EPHA6: variants seen among roughly 807,000 people sequenced by gnomAD.
EPHA6 encodes ephrin type-A receptor 6.
Under a neutral mutation model 112.0 loss-of-function variants are expected in EPHA6, and 50 were observed. That is an observed-to-expected ratio of 0.45 (90% CI 0.36 to 0.56). The LOEUF (loss-of-function observed/expected upper bound fraction) is 0.56. Ranked by LOEUF, EPHA6 falls within the 20% of genes least tolerant of loss-of-function variation. The pLI, the probability that EPHA6 is intolerant of heterozygous loss-of-function variation, is 0.00. For missense variants in EPHA6, 1,280 were observed against 1,417.4 expected (o/e 0.90, Z 1.56); for synonymous variants, 529 against 490.7 (o/e 1.08, Z -1.03).
At chr3:96,834,758 TG>T (rs2034298083) in intron 1 of EPHA6, among the ~76,000 whole-genome samples, 1 of 152,038 alleles carries the variant, frequency 6.6e-6, no homozygotes, top group African/African-American at 2.4e-5. Flanking sequence ...CAAATAGGTC[TG>T]GAACTGAATA....
At chr3:97,648,866 C>G (rs1310755724) in intron 14 of EPHA6, among the ~76,000 whole-genome samples, 2 of 152,118 alleles carry the variant, frequency 1.3e-5, no homozygotes, top group African/African-American at 4.8e-5. Flanking sequence ...TCTCTGTCAT[C>G]AAGTCACTGC....
rs79950252 is a variant in EPHA6 at position 97,179,830 on chromosome 3, T to C, written c.1115-46434T>C. Among the ~76,000 whole-genome samples the C allele has an allele frequency of 4.2e-3, 627 of 151,004 alleles. 1 individual carries two copies. Among genetic ancestry groups the C allele is most frequent in the African/African-American group, 0.014 (590 of 40,828 alleles). ...ATGGCCACCACCATTGTAACTGCAC[T>C]GGGTCAGACTTGAAGCCAGCACAGC... is the stretch of plus-strand genomic sequence containing the variant. On this transcript the variant is annotated intron_variant, in intron 3 of 17. Transcript: ENST00000389672.
intron 14 of EPHA6, among the ~76,000 whole-genome samples, chr3:97,656,748 C>T (rs1283638426): frequency 6.6e-6 from 1 of 151,834 alleles, no homozygotes; most frequent in Non-Finnish European, 1.5e-5. Context: ...TTTCCTCAAA[C>T]TCTCCCTTGG....
intron 3 of EPHA6, among the ~76,000 whole-genome samples, chr3:96,992,886 A>G (rs2043268277): frequency 6.6e-6 from 1 of 152,138 alleles, no homozygotes; most frequent in Admixed American, 6.5e-5. Context: ...CTGGGTCTTC[A>G]CAAAGTTATT....
At chr3:97,399,985 CT>C (rs1398471831) in intron 5 of EPHA6, among the ~76,000 whole-genome samples, 1 of 151,316 alleles carries the variant, frequency 6.6e-6, no homozygotes, top group Non-Finnish European at 1.5e-5. Context: ...GGTACCTATG[CT>C]TTTGAGACCT....
intron 1 of EPHA6, among the ~76,000 whole-genome samples, chr3:96,852,447 A>T (rs1448084442): frequency 6.6e-6 from 1 of 152,046 alleles, no homozygotes; most frequent in African/African-American, 2.4e-5. Flanking sequence ...AATAATAAAA[A>T]AAGTGAAGTT....
intron 2 of EPHA6, among the ~76,000 whole-genome samples, chr3:96,946,259 G>T (rs1331275329): frequency 6.6e-6 from 1 of 151,796 alleles, no homozygotes; most frequent in Non-Finnish European, 1.5e-5. Context: ...GTGCCATATT[G>T]GTGTGCTGCA....
intron 3 of EPHA6, among the ~76,000 whole-genome samples, chr3:97,179,724 TCTC>T (rs2076934696): frequency 3.9e-5 from 5 of 128,040 alleles, no homozygotes; most frequent in African/African-American, 1.4e-4. Context: ...AGAGTCTCTC[TCTC>T]TCTCTCTCTC....
intron 14 of EPHA6, among the ~76,000 whole-genome samples, chr3:97,664,726 T>C (rs1483125549): frequency 6.6e-6 from 1 of 152,112 alleles, no homozygotes; most frequent in Non-Finnish European, 1.5e-5. Context: ...TCACAATTGC[T>C]TCAAAGAGAA....
At chr3:97,591,096 A>G (rs2093539759) in intron 11 of EPHA6, among the ~76,000 whole-genome samples, 1 of 152,092 alleles carries the variant, frequency 6.6e-6, no homozygotes, top group Non-Finnish European at 1.5e-5. Context: ...TCATGACAGA[A>G]CCCTACACTA....
At chr3:97,586,649 AC>A (rs1216379032) in intron 11 of EPHA6, among the ~76,000 whole-genome samples, 1 of 152,100 alleles carries the variant, frequency 6.6e-6, no homozygotes. Flanking sequence ...TAGATAGGAG[AC>A]AGAAGATAGA....
chr3:97,584,757 G>A (rs1200135716), intron 11 of EPHA6, among the ~76,000 whole-genome samples: 2 of 152,114 alleles, frequency 1.3e-5, no homozygotes, highest in African/African-American at 4.8e-5. Context: ...ACATGAAATG[G>A]TCTCCATGAA....
At chr3:97,091,423 T>C (rs961937923) in intron 3 of EPHA6, among the ~76,000 whole-genome samples, 1 of 152,184 alleles carries the variant, frequency 6.6e-6, no homozygotes, top group Non-Finnish European at 1.5e-5. Flanking sequence ...GAACAAATGT[T>C]ATCCTAAGAA....
At chr3:97,663,498 C>A (rs1429750064) in intron 14 of EPHA6, among the ~76,000 whole-genome samples, 2 of 140,192 alleles carry the variant, frequency 1.4e-5, no homozygotes, top group Non-Finnish European at 3.1e-5. Flanking sequence ...CCCCACCCCA[C>A]AACAGGCCCC....
chr3:96,883,108 A>G (rs2037420928), intron 2 of EPHA6, among the ~76,000 whole-genome samples: 1 of 151,988 alleles, frequency 6.6e-6, no homozygotes, highest in Non-Finnish European at 1.5e-5. Flanking sequence ...TGATTTTTTG[A>G]TTATGACCAT....
chr3:97,268,366 A>G (rs1484227692), intron 5 of EPHA6, among the ~76,000 whole-genome samples: 1 of 152,188 alleles, frequency 6.6e-6, no homozygotes, highest in African/African-American at 2.4e-5. Flanking sequence ...GAAAACAACA[A>G]TGGGTGTTGA....
Position 96,987,259 on chromosome 3 carries a change from A to G in EPHA6, c.451-71A>G, listed in dbSNP as rs550220429. On this transcript the variant is annotated intron_variant, in intron 2 of 17. Transcript: ENST00000389672. ...TTTTTATTTTGGTAAAACAAAAAAAATTGTAAGTAATCATTTCTGTTTAAT... is the reference window on the plus strand; with the variant it reads ...TTTTTATTTTGGTAAAACAAAAAAAGTTGTAAGTAATCATTTCTGTTTAAT... 115 of 1,373,168 alleles carry G rather than the reference A, an allele frequency of 8.4e-5. No homozygotes were observed. The African/African-American group carries it at 1.6e-3, about 19-fold the overall frequency. The allele number at this position is 1,373,168 out of a possible 1,614,324, so 85.1% of individuals were successfully genotyped here. A position where few individuals can be genotyped will look rare whatever the true frequency, so the allele number is the denominator to read the frequency against.
intron 5 of EPHA6, among the ~76,000 whole-genome samples, chr3:97,330,493 T>C (rs2082731385): frequency 6.6e-6 from 1 of 152,148 alleles, no homozygotes; most frequent in African/African-American, 2.4e-5. Context: ...TTTTATTTCA[T>C]TGAGCAGTGG....
chr3:97,570,933 C>T lies in EPHA6; in HGVS notation c.2387-21679C>T, dbSNP rs528434753. On this transcript the variant is annotated intron_variant, in intron 11 of 17. Coordinates refer to ENST00000389672, the MANE Select transcript of EPHA6 (RefSeq NM_001080448.3). The stretch of plus-strand genomic sequence containing the variant: ...TCCCCTTCCACCAGCACTGTAGAGT[C>T]TAGATACCAGAATGTAGCAATAGGA... Among the ~76,000 whole-genome samples the T allele has an allele frequency of 8.7e-4, 132 of 152,160 alleles. 1 individual carries two copies. Among genetic ancestry groups the T allele is most frequent in the African/African-American group, 2.6e-3 (106 of 41,492 alleles).
Sources: allele counts gnomAD v4.1 joint callset (sites outside exome capture counted in the v4.1 genomes callset), GRCh38; gene constraint gnomAD v4.1.1; transcripts MANE v1.5; gene names NCBI Gene and HGNC (gene_info 2026-07-23, HGNC 2026-07-21).